COQ4: variants seen among roughly 807,000 people sequenced by gnomAD.
The protein encoded by COQ4 is coenzyme Q4, also known as ubiquinone biosynthesis protein COQ4 homolog, mitochondrial.
In COQ4, 36 loss-of-function variants were observed where a neutral mutation model predicts 30.2. That is an observed-to-expected ratio of 1.19 (90% CI 0.91 to 1.57). COQ4 has a LOEUF of 1.57. COQ4 is among the 40% of genes most tolerant of loss of function. The probability of loss-of-function intolerance (pLI) is 0.00; values close to 1 mark genes in which losing one functional copy is unlikely to be tolerated. For synonymous variants in COQ4, 197 were observed against 161.0 expected, an observed-to-expected ratio of 1.22 and a Z score of -1.69; for missense variants, 369 against 371.9, an observed-to-expected ratio of 0.99 and a Z score of 0.07.
At chr9:128,326,155 C>T in intron 4 of COQ4, 3 of 572,842 alleles carry the variant, frequency 5.2e-6, no homozygotes, top group Non-Finnish European at 9.3e-6. Flanking sequence ...ACAACTCTGT[C>T]AAGTATGTTC....
rs539705880 is a variant in COQ4 at position 128,325,030 on chromosome 9, CAA to C, written c.203-111_203-110del. On this transcript the variant is annotated intron_variant, in intron 2 of 6. Transcript: ENST00000300452. ...AAGTGTTTAGCCTGAATCCTTATAA[CAA>C]AGAGCTAGACATCATCCCTAATTTA... is the stretch of plus-strand genomic sequence containing the variant. 810 of 697,844 alleles carry C rather than the reference CAA, an allele frequency of 1.2e-3. 6 individuals carry two copies. In the African/African-American group the frequency reaches 0.013, roughly 11 times the overall value. 43.2% of individuals were successfully genotyped at this position (697,844 alleles called of 1,614,324 possible). A position where few individuals can be genotyped will look rare whatever the true frequency, so the allele number is the denominator to read the frequency against.
At chr9:128,331,348 G>C (rs1799166741) in intron 4 of COQ4, 5 of 151,948 alleles carry the variant, frequency 3.3e-5, no homozygotes, top group Admixed American at 3.3e-4. Context: ...GCCACTAAGA[G>C]GTGAATGATG....
intron 4 of COQ4, among the ~76,000 whole-genome samples, chr9:128,329,718 G>T (rs1308129464): frequency 1.3e-5 from 2 of 152,150 alleles, no homozygotes; most frequent in Admixed American, 1.3e-4. Context: ...TTACCTCCAA[G>T]ATTGCAAGGA....
Position 128,329,479 on chromosome 9 carries a change from C to T in COQ4, c.403-2674C>T, listed in dbSNP as rs184319038. On this transcript the variant is annotated intron_variant, in intron 4 of 6. Transcript: ENST00000300452. ...GCAACCTCCACCTCCTGGCAATTCT[C>T]CTGCCTCAGCCTCCTGAGTAGCTGG... Among the ~76,000 whole-genome samples, 7 of 152,294 alleles carry T rather than the reference C, an allele frequency of 4.6e-5. No individual in the cohort carries two copies. In the South Asian group the frequency reaches 1.2e-3, roughly 27 times the overall value.
At chr9:128,325,740 T>C (rs779410332) in intron 3 of COQ4, 39 bp from the exon 4 acceptor site, 1 of 1,540,564 alleles carries the variant, frequency 6.5e-7, no homozygotes, top group East Asian at 2.2e-5. Flanking sequence ...TCACCTACCT[T>C]TGCCCACACC....
chr9:128,327,512 G>A (rs566404553), intron 4 of COQ4, among the ~76,000 whole-genome samples: 1 of 151,876 alleles, frequency 6.6e-6, no homozygotes, highest in African/African-American at 2.4e-5. Flanking sequence ...GAATATTCTG[G>A]CACTGGTCCA....
rs755823575 is a variant in COQ4, at chr9:128,323,132, A to G, written c.187A>G (p.Asn63Asp). Residue 63 changes from asparagine to aspartate, a missense_variant, in exon 2 of 7, where the codon AAC becomes GAC. Transcript: ENST00000300452. Reference protein sequence around the residue: ...AAGSAAMALYNPYRHDMVAVL... With the variant: ...AAGSAAMALYDPYRHDMVAVL... ...CGGCTCCGCGGCGATGGCGCTCTAT[A>G]ACCCCTACCGCCACGGTAAGGCCGC... The G allele has an allele frequency of 6.2e-7, 1 of 1,606,398 alleles. No homozygotes were observed. Among genetic ancestry groups the G allele is most frequent in the South Asian group, 1.1e-5 (1 of 90,744 alleles).
intron 5 of COQ4, 53 bp downstream of exon 5, chr9:128,332,335 G>A (rs1265151961): frequency 6.3e-7 from 1 of 1,596,126 alleles, no homozygotes; most frequent in Non-Finnish European, 8.5e-7. Flanking sequence ...TTCAGGGCCA[G>A]GGCAGGGCTT....
At chr9:128,323,298 C>G in intron 2 of COQ4, 151 bp downstream of exon 2, 2 of 757,366 alleles carry the variant, frequency 2.6e-6, no homozygotes, top group Non-Finnish European at 4.1e-6. Context: ...TGGATCCCAC[C>G]TAAACGCACT....
chr9:128,327,948 G>A (rs1194941756), intron 4 of COQ4, among the ~76,000 whole-genome samples: 2 of 152,256 alleles, frequency 1.3e-5, no homozygotes, highest in African/African-American at 4.8e-5. Context: ...TTGGTATTGG[G>A]AAGGGTACAG....
At chr9:128,327,984 C>T (rs1026677970) in intron 4 of COQ4, among the ~76,000 whole-genome samples, 6 of 152,190 alleles carry the variant, frequency 3.9e-5, no homozygotes, top group African/African-American at 1.2e-4. Context: ...TGGTCAGGGC[C>T]GGCTCCTCTG....
chr9:128,323,113 C>T lies in COQ4; in HGVS notation c.168C>T (p.Ser56=), dbSNP rs767078081. ...PLQKGLLAAG[S]AAMALYNPYR... is the part of the protein sequence containing the mutation. ...AGAAAGGGCTGTTGGCCGCCGGCTC[C>T]GCGGCGATGGCGCTCTATAACCCCT... The change falls in exon 2 of 7, where the codon TCC becomes TCT. Residue 56 remains serine (S), a synonymous_variant. Coordinates refer to ENST00000300452, the MANE Select transcript of COQ4 (RefSeq NM_016035.5). 6.8e-6 allele frequency: 11 copies of T among 1,610,476 alleles called. 1 individual carries two copies. In the Admixed American group the frequency reaches 1.3e-4, roughly 20 times the overall value.
At chr9:128,324,998 A>G (rs1228647038) in intron 2 of COQ4, 145 bp from the exon 3 acceptor site, 1 of 606,440 alleles carries the variant, frequency 1.6e-6, no homozygotes, top group Non-Finnish European at 3.0e-6. Context: ...GTGCTGGGTA[A>G]TTTGCTAAGT....
At chr9:128,323,853 A>G (rs1270136790) in intron 2 of COQ4, among the ~76,000 whole-genome samples, 1 of 152,182 alleles carries the variant, frequency 6.6e-6, no homozygotes, top group Non-Finnish European at 1.5e-5. Flanking sequence ...GCTGAGGTGG[A>G]AGGACCATTT....
chr9:128,328,395 G>A (rs1256294923), intron 4 of COQ4, among the ~76,000 whole-genome samples: 1 of 152,238 alleles, frequency 6.6e-6, no homozygotes, highest in South Asian at 2.1e-4. Flanking sequence ...CAGTCTGGCT[G>A]ATGGAGGTGA....
At position 128,322,901 on chromosome 9, in the gene COQ4, C is replaced by G. The variant is rs1258068225; in HGVS notation, c.43C>G (p.Leu15Val). 2 of 1,595,262 alleles carry G rather than the reference C, an allele frequency of 1.3e-6. No individual in the cohort carries two copies. Among genetic ancestry groups the G allele is most frequent in the African/African-American group, 2.7e-5 (2 of 74,706 alleles). ...LRPVLRRLCG[L>V]PGLQRPAAEM... ...CCCTGTCCTCCGTCGGCTCTGCGGG[C>G]TCCCGGGCCTACAGCGGCCTGCGGC... Residue 15 changes from leucine to valine, a missense_variant, in exon 1 of 7, where the codon CTC (leucine) becomes GTC (valine). Transcript: ENST00000300452.
chr9:128,325,727 C>G (rs369623109), intron 3 of COQ4, 52 bp from the exon 4 acceptor site: 4 of 1,416,002 alleles, frequency 2.8e-6, no homozygotes, highest in South Asian at 1.2e-5. Flanking sequence ...GTAGTTGGAT[C>G]GTTCACCTAC....
At chr9:128,332,740 G>C (rs541886364) in intron 5 of COQ4, 110 bp from the exon 6 acceptor site, 1 of 874,746 alleles carries the variant, frequency 1.1e-6, no homozygotes, top group African/African-American at 1.6e-5. Flanking sequence ...GGGCACAGCT[G>C]ACCCCGTAGA....
At chr9:128,325,369 T>C in intron 3 of COQ4, 130 bp downstream of exon 3, 1 of 663,450 alleles carries the variant, frequency 1.5e-6, no homozygotes. Context: ...TTGCACAGGC[T>C]GGGCACTGCC....
Sources: gnomAD v4.1 joint callset for allele counts (sites outside exome capture counted in the v4.1 genomes callset) on GRCh38, gnomAD v4.1.1 for gene constraint, MANE v1.5 for transcripts, NCBI Gene and HGNC (gene_info 2026-07-23, HGNC 2026-07-21) for gene names.